Variants in KIT observed in about 807,000 individuals in gnomAD.
KIT encodes mast/stem cell growth factor receptor Kit.
Under a neutral mutation model 105.7 loss-of-function variants are expected in KIT, and 16 were observed. The observed-to-expected ratio is 0.15, with a 90% CI of 0.10 to 0.23. The LOEUF (loss-of-function observed/expected upper bound fraction) is 0.23, where lower values mean the gene tolerates loss of function less well. Among genes scored for constraint, KIT ranks in the 10% least tolerant of loss-of-function variants. KIT has a pLI of 1.00. For synonymous variants in KIT, 438 were observed against 441.1 expected (o/e 0.99, Z 0.09); for missense variants, 858 against 1,213.8 (o/e 0.71, Z 4.36).
At chr4:54,707,525 A>G (rs980804916) in intron 6 of KIT, among the ~76,000 whole-genome samples, 3 of 152,198 alleles carry the variant, frequency 2.0e-5, no homozygotes, top group Non-Finnish European at 2.9e-5. Context: ...CACTTGTAAA[A>G]TGGAGGACAG....
chr4:54,658,124 C>T (rs1716952060), intron 1 of KIT, 43 bp downstream of exon 1: 1 of 1,597,748 alleles, frequency 6.3e-7, no homozygotes, highest in Non-Finnish European at 8.6e-7. Context: ...GACTACTCGG[C>T]GAAGCCTGTG....
intron 7 of KIT, among the ~76,000 whole-genome samples, chr4:54,712,403 C>A (rs1298704163): frequency 1.3e-5 from 2 of 152,226 alleles, no homozygotes; most frequent in East Asian, 3.8e-4. Context: ...ACAGACCTCA[C>A]TTTGAGAGTT....
At chr4:54,666,051 G>T (rs562477774) in intron 1 of KIT, among the ~76,000 whole-genome samples, 1 of 152,090 alleles carries the variant, frequency 6.6e-6, no homozygotes, top group Non-Finnish European at 1.5e-5. Context: ...GGCCATACTG[G>T]GTATAGAGGA....
At chr4:54,697,146 C>T (rs1720126713) in intron 2 of KIT, among the ~76,000 whole-genome samples, 1 of 152,146 alleles carries the variant, frequency 6.6e-6, no homozygotes, top group African/African-American at 2.4e-5. Flanking sequence ...CTCAAGTGAC[C>T]TACAAAGAGT....
At chr4:54,664,467 A>G (rs180883183) in intron 1 of KIT, among the ~76,000 whole-genome samples, 17 of 152,276 alleles carry the variant, frequency 1.1e-4, no homozygotes, top group African/African-American at 4.1e-4. Flanking sequence ...CTGTCCAATT[A>G]GACATACTCC....
chr4:54,726,086 T>G (rs1341877321), intron 9 of KIT, 36 bp downstream of exon 9: 42 of 1,534,526 alleles, frequency 2.7e-5, no homozygotes, highest in Non-Finnish European at 3.7e-5. Context: ...AGGGGATGTT[T>G]AGGCTCTGTC....
At position 54,732,574 on chromosome 4, in the gene KIT, A is replaced by G. The variant is rs142198137; in HGVS notation, c.2362-496A>G. On this transcript the variant is annotated intron_variant, in intron 16 of 20. Transcript: ENST00000288135. ...TAGGAAGTAAGATTAACCGAACAGAATGAGTTACCAGTCCTACCCTTAAAT... is the reference window on the plus strand; with the variant it reads ...TAGGAAGTAAGATTAACCGAACAGAGTGAGTTACCAGTCCTACCCTTAAAT... Among the ~76,000 whole-genome samples the G allele has an allele frequency of 7.9e-5, 12 of 152,280 alleles. No individual in the cohort carries two copies. The East Asian group carries it at 2.1e-3, about 27-fold the overall frequency.
intron 1 of KIT, among the ~76,000 whole-genome samples, chr4:54,667,558 T>G (rs74995222): frequency 0.044 from 6,638 of 151,664 alleles, 200 homozygotes; most frequent in Non-Finnish European, 0.061. Flanking sequence ...CTTAAAAGAG[T>G]GGGGTGGAAT....
In KIT at chr4:54,737,285, G is replaced by A. The variant is rs1722975877; in HGVS notation, c.2802+5G>A. 6.3e-7 allele frequency: 1 copy of A among 1,579,486 alleles called. No homozygotes were observed. The highest frequency in any genetic ancestry group is 2.2e-5 in the East Asian group (1 of 44,688). On this transcript the variant is annotated splice_donor_5th_base_variant and intron_variant, in intron 20 of 20. Transcript: ENST00000288135. ...ATTTCAGAGAGCACCAATCATGTGA[G>A]TATACCCTGGCCAGGCATAGAATCC...
At chr4:54,679,548 G>A (rs944002518) in intron 1 of KIT, among the ~76,000 whole-genome samples, 2 of 152,134 alleles carry the variant, frequency 1.3e-5, no homozygotes, top group African/African-American at 4.8e-5. Flanking sequence ...TGGAGGGGAA[G>A]GTGCAATTTT....
rs182683226 is a variant in KIT at position 54,696,929 on chromosome 4, A to G, written c.337+1148A>G. 2.4e-4 allele frequency among the ~76,000 whole-genome samples: 37 copies of G among 152,388 alleles called. 1 individual carries two copies. The highest frequency in any genetic ancestry group is 1.8e-3 in the Admixed American group (27 of 15,308). On this transcript the variant is annotated intron_variant, in intron 2 of 20. Coordinates refer to ENST00000288135, the MANE Select transcript of KIT (RefSeq NM_000222.3). ...GGTATTTTGCAATTTCCAGGTGGCA[A>G]TGAAGTATCATGACAATTGAATAAA...
At position 54,698,454 on chromosome 4, in the gene KIT, A is replaced by G. The variant is rs1394659716; in HGVS notation, c.508A>G (p.Ile170Val). The G allele has an allele frequency of 5.0e-6, 8 of 1,614,032 alleles. No homozygotes were observed. Among genetic ancestry groups the G allele is most frequent in the African/African-American group, 4.0e-5 (3 of 74,910 alleles). ...LRFIPDPKAGIMIKSVKRAYH... is the reference protein window; with the variant it reads ...LRFIPDPKAGVMIKSVKRAYH... ...GTTTATTCCTGACCCCAAGGCGGGC[A>G]TCATGATCAAAAGTGTGAAACGCGC... The change falls in exon 3 of 21, where the codon ATC (isoleucine) becomes GTC (valine). Residue 170 changes from isoleucine to valine, a missense_variant. This residue lies in a region of KIT where 401 missense variants were observed against 601.0 expected (regional missense o/e 0.67). Coordinates refer to ENST00000288135, the MANE Select transcript of KIT (RefSeq NM_000222.3).
Position 54,699,647 on chromosome 4 carries a change from G to A in KIT, c.637G>A (p.Val213Ile), listed in dbSNP as rs1720322197. ...KVRPAFKAVP[V>I]VSVSKASYLL... ...CATTCTAGCCTTCAAAGCTGTGCCTGTTGTGTCTGTGTCCAAAGCAAGCTA... is the reference window on the plus strand; with the variant it reads ...CATTCTAGCCTTCAAAGCTGTGCCTATTGTGTCTGTGTCCAAAGCAAGCTA... Residue 213 changes from valine to isoleucine, a missense_variant, in exon 4 of 21, where the codon GTT (valine) becomes ATT (isoleucine). Val to Ile is a conservative substitution (Grantham distance 29). Transcript: ENST00000288135. 6.2e-7 allele frequency: 1 copy of A among 1,614,044 alleles called. No individual in the cohort carries two copies.
Position 54,695,550 on chromosome 4 carries a change from C to T in KIT, c.106C>T (p.Pro36Ser), listed in dbSNP as rs781633384. 9.3e-6 allele frequency: 15 copies of T among 1,614,066 alleles called. No individual in the cohort carries two copies. The African/African-American group carries it at 1.7e-4, about 19-fold the overall frequency. Residue 36 changes from proline (P) to serine (S), a missense_variant, in exon 2 of 21, where the codon CCA becomes TCA. Physicochemically the swap from Pro to Ser is moderately conservative, Grantham distance 74 (BLOSUM62 -1). Transcript: ENST00000288135. Reference protein sequence around the residue: ...QPSVSPGEPSPPSIHPGKSDL... With the variant: ...QPSVSPGEPSSPSIHPGKSDL... ...ATCTGTGAGTCCAGGGGAACCGTCT[C>T]CACCATCCATCCATCCAGGAAAATC... is the stretch of plus-strand genomic sequence containing the variant.
chr4:54,666,873 C>T (rs956916750), intron 1 of KIT, among the ~76,000 whole-genome samples: 4 of 152,116 alleles, frequency 2.6e-5, no homozygotes, highest in Non-Finnish European at 4.4e-5. Flanking sequence ...CTACTATAGT[C>T]ACAATTTCGG....
intron 7 of KIT, among the ~76,000 whole-genome samples, chr4:54,722,717 A>C (rs564687015): frequency 6.6e-6 from 1 of 151,820 alleles, no homozygotes; most frequent in East Asian, 1.9e-4. Context: ...CAAAAATTAG[A>C]AATTCTTGAG....
chr4:54,678,380 C>T (rs921222692), intron 1 of KIT, among the ~76,000 whole-genome samples: 57 of 140,680 alleles, frequency 4.1e-4, no homozygotes, highest in African/African-American at 1.5e-3. Flanking sequence ...CTCCCTCCCC[C>T]AATCCCTGTG....
At chr4:54,686,775 A>G (rs1424929997) in intron 1 of KIT, among the ~76,000 whole-genome samples, 1 of 152,042 alleles carries the variant, frequency 6.6e-6, no homozygotes, top group East Asian at 1.9e-4. Context: ...TAACTCCTGG[A>G]CTCAAGTGAT....
intron 17 of KIT, among the ~76,000 whole-genome samples, chr4:54,734,611 G>A (rs760918525): frequency 3.9e-5 from 6 of 152,112 alleles, no homozygotes; most frequent in East Asian, 1.9e-4. Context: ...CACAGATCTC[G>A]CTTTCACCAG....
Sources: allele counts gnomAD v4.1 joint callset (sites outside exome capture counted in the v4.1 genomes callset), GRCh38; gene constraint gnomAD v4.1.1; regional missense constraint gnomAD v4.1.1; transcripts MANE v1.5; gene names NCBI Gene and HGNC (gene_info 2026-07-23, HGNC 2026-07-21).